The following PDZRN4 variants were observed in gnomAD, a reference collection of about 807,000 sequenced individuals.
PDZRN4 encodes PDZ domain-containing RING finger protein 4.
In PDZRN4, 70 loss-of-function variants were observed where a neutral mutation model predicts 99.0. The observed-to-expected ratio is 0.71, with a 90% CI of 0.58 to 0.86. PDZRN4 has a LOEUF of 0.86. PDZRN4 is among the 40% of genes least tolerant of loss of function. The probability of loss-of-function intolerance (pLI) is 0.00; values close to 1 mark genes in which losing one functional copy is unlikely to be tolerated. For synonymous variants in PDZRN4, 551 were observed against 501.6 expected (o/e 1.10, Z -1.32); for missense variants, 1,474 against 1,331.2 (o/e 1.11, Z -1.67).
chr12:41,212,318 G>T (rs1315127678), intron 3 of PDZRN4, among the ~76,000 whole-genome samples: 5 of 151,878 alleles, frequency 3.3e-5, no homozygotes, highest in African/African-American at 9.7e-5. Flanking sequence ...GTTTGATTTG[G>T]TTTGTGAACC....
chr12:41,372,686 G>A (rs1428278977), intron 3 of PDZRN4, among the ~76,000 whole-genome samples: 1 of 152,096 alleles, frequency 6.6e-6, no homozygotes, highest in African/African-American at 2.4e-5. Flanking sequence ...CTGAGGAGTT[G>A]GGGGTTGAGG....
chr12:41,430,486 A>G (rs1393830409), intron 3 of PDZRN4, among the ~76,000 whole-genome samples: 2 of 151,886 alleles, frequency 1.3e-5, no homozygotes, highest in Non-Finnish European at 1.5e-5. Context: ...AAAAAGAAAG[A>G]AAGAAATAGA....
chr12:41,529,912 C>T (rs1938631427), intron 5 of PDZRN4, among the ~76,000 whole-genome samples: 1 of 152,156 alleles, frequency 6.6e-6, no homozygotes, highest in Non-Finnish European at 1.5e-5. Flanking sequence ...CTTCTCTCCA[C>T]TTCTGACTGG....
At chr12:41,314,849 A>G (rs1472546338) in intron 3 of PDZRN4, among the ~76,000 whole-genome samples, 2 of 151,430 alleles carry the variant, frequency 1.3e-5, no homozygotes, top group African/African-American at 2.4e-5. Context: ...AAGTTTCCCT[A>G]TGGTACATGT....
intron 3 of PDZRN4, among the ~76,000 whole-genome samples, chr12:41,235,069 A>C (rs1159365748): frequency 2.0e-5 from 3 of 152,166 alleles, no homozygotes; most frequent in Non-Finnish European, 1.5e-5. Context: ...CTTTCAGAGC[A>C]TTGAAATATG....
rs1272412314 is a variant in PDZRN4, at chr12:41,468,279, G to A, written c.844-38177G>A. Among the ~76,000 whole-genome samples, 3 of 152,238 alleles carry A rather than the reference G, an allele frequency of 2.0e-5. No individual in the cohort carries two copies. The East Asian group carries it at 5.8e-4, about 29-fold the overall frequency. On this transcript the variant is annotated intron_variant, in intron 3 of 9. Transcript: ENST00000402685. The stretch of plus-strand genomic sequence containing the variant: ...AATTTAATTCTCTATCCCTTAGATT[G>A]AGCTACTGGATCATTGAAAATATTT...
chr12:41,220,734 A>G (rs1464648379), intron 3 of PDZRN4, among the ~76,000 whole-genome samples: 1 of 152,200 alleles, frequency 6.6e-6, no homozygotes, highest in Non-Finnish European at 1.5e-5. Context: ...GAGGTTATGG[A>G]ATAAACCAGG....
intron 3 of PDZRN4, among the ~76,000 whole-genome samples, chr12:41,372,017 T>G (rs573964272): frequency 6.6e-6 from 1 of 152,254 alleles, no homozygotes; most frequent in South Asian, 2.1e-4. Context: ...TTCACCTTTG[T>G]ATTTCCACTT....
intron 3 of PDZRN4, among the ~76,000 whole-genome samples, chr12:41,270,377 C>T (rs1367286987): frequency 6.7e-6 from 1 of 148,434 alleles, no homozygotes; most frequent in Non-Finnish European, 1.5e-5. Flanking sequence ...ATGCATGTAA[C>T]CTGGCCATAA....
rs1009601964 is a variant in PDZRN4 at position 41,512,903 on chromosome 12, C to T, written c.1203+2990C>T. Among the ~76,000 whole-genome samples, 3 of 152,180 alleles carry T rather than the reference C, an allele frequency of 2.0e-5. No individual in the cohort carries two copies. In the East Asian group the frequency reaches 5.8e-4, roughly 30 times the overall value. On this transcript the variant is annotated intron_variant, in intron 5 of 9. Transcript: ENST00000402685. ...TATTACAGGTTAGAGTGAAGCACAC[C>T]TTTTGGCATCCACCAGAGCAAGAGC...
chr12:41,386,422 T>C (rs540591856), intron 3 of PDZRN4, among the ~76,000 whole-genome samples: 1 of 151,784 alleles, frequency 6.6e-6, no homozygotes, highest in Admixed American at 6.6e-5. Context: ...ACTAGGGAGG[T>C]GAAAGATCTC....
chr12:41,396,435 A>G (rs73274466), intron 3 of PDZRN4, among the ~76,000 whole-genome samples: 5,408 of 152,210 alleles, frequency 0.036, 322 homozygotes, highest in African/African-American at 0.12. Flanking sequence ...TTGTTATGGC[A>G]GCACACAATT....
chr12:41,357,044 AT>A (rs1023893942), intron 3 of PDZRN4, among the ~76,000 whole-genome samples: 3 of 151,872 alleles, frequency 2.0e-5, no homozygotes, highest in African/African-American at 7.2e-5. Flanking sequence ...AAGGTTTTTA[AT>A]TTTTTTATGC....
At chr12:41,415,958 A>G (rs1341084891) in intron 3 of PDZRN4, among the ~76,000 whole-genome samples, 3 of 152,236 alleles carry the variant, frequency 2.0e-5, no homozygotes, top group African/African-American at 7.2e-5. Context: ...AATAGAATGA[A>G]ACAGACTAAG....
intron 3 of PDZRN4, among the ~76,000 whole-genome samples, chr12:41,233,969 ATC>A (rs1221524842): frequency 1.3e-5 from 2 of 151,924 alleles, no homozygotes; most frequent in African/African-American, 4.8e-5. Flanking sequence ...AAACAAAGAA[ATC>A]TGTTTCCAGA....
intron 3 of PDZRN4, among the ~76,000 whole-genome samples, chr12:41,229,109 G>A (rs1014956871): frequency 6.6e-6 from 1 of 151,182 alleles, no homozygotes; most frequent in Non-Finnish European, 1.5e-5. Flanking sequence ...TCATCTAATT[G>A]CACATCATTT....
intron 3 of PDZRN4, among the ~76,000 whole-genome samples, chr12:41,347,705 G>A (rs1402902629): frequency 2.6e-5 from 4 of 152,062 alleles, no homozygotes; most frequent in African/African-American, 9.7e-5. Context: ...TCATATCTAA[G>A]AAAGCATTTA....
chr12:41,454,112 ATTG>A (rs1467482200), intron 3 of PDZRN4, among the ~76,000 whole-genome samples: 3 of 151,722 alleles, frequency 2.0e-5, no homozygotes, highest in African/African-American at 4.9e-5. Context: ...TAAATTGACC[ATTG>A]TTGTAAGCTG....
At chr12:41,327,898 A>T (rs1951720164) in intron 3 of PDZRN4, among the ~76,000 whole-genome samples, 1 of 152,186 alleles carries the variant, frequency 6.6e-6, no homozygotes, top group South Asian at 2.1e-4. Context: ...TCCTCTACAC[A>T]TACTTATGCA....
Sources: allele counts gnomAD v4.1 joint callset (sites outside exome capture counted in the v4.1 genomes callset), GRCh38; gene constraint gnomAD v4.1.1; transcripts MANE v1.5; gene names NCBI Gene and HGNC (gene_info 2026-07-23, HGNC 2026-07-21).